Variants in LIMK2 observed in about 807,000 individuals in gnomAD.
LIMK2 encodes LIM domain kinase 2.
A neutral mutation model predicts 75.7 loss-of-function variants in LIMK2; 35 were observed. The ratio of observed to expected loss-of-function variants is 0.46; its 90% confidence interval spans 0.35 to 0.61. LIMK2 has a LOEUF of 0.61. LIMK2 is among the 20% of genes least tolerant of loss of function. The pLI, the probability that LIMK2 is intolerant of heterozygous loss-of-function variation, is 0.00. For synonymous variants in LIMK2, 301 were observed against 319.2 expected (o/e 0.94, Z 0.61); for missense variants, 623 against 831.0 (o/e 0.75, Z 3.08).
intron 13 of LIMK2, 191 bp downstream of exon 13, chr22:31,272,895 G>A (rs1451938665): frequency 1.5e-6 from 2 of 1,371,582 alleles, no homozygotes; most frequent in Admixed American, 3.1e-5. Context: ...GAACTGATCA[G>A]TGTCCCATCA....
At chr22:31,237,014 C>T (rs1444886529) in intron 2 of LIMK2, among the ~76,000 whole-genome samples, 1 of 151,932 alleles carries the variant, frequency 6.6e-6, no homozygotes, top group Non-Finnish European at 1.5e-5. Context: ...GTAATCCCAG[C>T]ACTTTGGGAG....
At chr22:31,230,528 A>G (rs1474327319) in intron 2 of LIMK2, among the ~76,000 whole-genome samples, 1 of 152,168 alleles carries the variant, frequency 6.6e-6, no homozygotes, top group Non-Finnish European at 1.5e-5. Flanking sequence ...CCTGGTTCCT[A>G]GCAGCATTAT....
intron 11 of LIMK2, among the ~76,000 whole-genome samples, chr22:31,269,294 T>TC (rs1175368911): frequency 6.9e-6 from 1 of 145,276 alleles, no homozygotes; most frequent in Non-Finnish European, 1.5e-5. Context: ...TTCTTTTTTT[T>TC]TTTTTTTTTT....
intron 2 of LIMK2, among the ~76,000 whole-genome samples, chr22:31,229,029 C>T (rs767204332): frequency 1.3e-5 from 2 of 152,044 alleles, no homozygotes; most frequent in Non-Finnish European, 2.9e-5. Flanking sequence ...TGTCTATATA[C>T]ACCTATATGT....
At chr22:31,272,498 AT>A in intron 12 of LIMK2, 31 bp from the exon 13 acceptor site, 1 of 1,574,036 alleles carries the variant, frequency 6.4e-7, no homozygotes, top group Non-Finnish European at 8.6e-7. Context: ...GAACATCCCC[AT>A]GAAGTCCTGA....
At chr22:31,242,786 A>G (rs2048633700) in intron 2 of LIMK2, among the ~76,000 whole-genome samples, 1 of 152,246 alleles carries the variant, frequency 6.6e-6, no homozygotes, top group African/African-American at 2.4e-5. Context: ...ACATCACATT[A>G]CAGGAGTAGC....
At chr22:31,245,798 T>A (rs1172124386) in intron 2 of LIMK2, among the ~76,000 whole-genome samples, 1 of 152,026 alleles carries the variant, frequency 6.6e-6, no homozygotes, top group Non-Finnish European at 1.5e-5. Context: ...CTTTGTGACA[T>A]GTGGAAATTA....
rs1426936828 is a variant in LIMK2, at chr22:31,273,458, G to A, written c.1565G>A (p.Ser522Asn). The A allele has an allele frequency of 1.2e-6, 2 of 1,613,616 alleles. No homozygotes were observed. Among genetic ancestry groups the A allele is most frequent in the Admixed American group, 3.3e-5 (2 of 59,998 alleles). ...WMAPEMLNGK[S>N]YDETVDIFSF... ...CTCTCCTGTGTTCCCCAAGGAAAGA[G>A]CTATGATGAGACGGTGGATATCTTC... The change falls in exon 14 of 16, where the codon AGC becomes AAC. Residue 522 changes from serine (S) to asparagine (N), a missense_variant. Ser to Asn is a conservative substitution (Grantham distance 46, BLOSUM62 1). Transcript: ENST00000331728.
At chr22:31,257,040 ATTTTTTTTTTTTTTTTTTTTTT>A (rs529919320) in intron 2 of LIMK2, among the ~76,000 whole-genome samples, 2 of 75,054 alleles carry the variant, frequency 2.7e-5, no homozygotes, top group African/African-American at 3.7e-5. Context: ...GGAGCTATAG[ATTTTTTTTTTTTTTTTTTTTTT>A]TTTTTTTTTT....
In LIMK2 at chr22:31,278,566, A is replaced by G; in HGVS notation, c.*125A>G. On this transcript the variant is annotated 3_prime_UTR_variant, in exon 16 of 16. Coordinates refer to ENST00000331728, the MANE Select transcript of LIMK2 (RefSeq NM_005569.4). ...TGGCGGAATGTTTAGAAGCAGAACA[A>G]GCCATTCCTATTACCTCCCCAGGAG... 1 of 1,075,734 alleles carries G rather than the reference A, an allele frequency of 9.3e-7. No individual in the cohort carries two copies. The allele number at this position is 1,075,734 out of a possible 1,614,324, so 66.6% of individuals were successfully genotyped here. A position where few individuals can be genotyped will look rare whatever the true frequency, so the allele number is the denominator to read the frequency against.
chr22:31,212,454 C>G (rs1000068151), intron 1 of LIMK2, 30 bp downstream of exon 1: 6 of 1,317,924 alleles, frequency 4.6e-6, no homozygotes, highest in Non-Finnish European at 4.9e-6. Flanking sequence ...CCCTGTCCCG[C>G]TGTTATCTCC....
At chr22:31,229,273 TG>T in intron 2 of LIMK2, among the ~76,000 whole-genome samples, 1 of 152,198 alleles carries the variant, frequency 6.6e-6, no homozygotes, top group Middle Eastern at 3.2e-3. Flanking sequence ...AAATTCAAAC[TG>T]GATGTCACGG....
intron 2 of LIMK2, among the ~76,000 whole-genome samples, chr22:31,238,132 A>T (rs1452784267): frequency 6.6e-6 from 1 of 150,918 alleles, no homozygotes; most frequent in Non-Finnish European, 1.5e-5. Context: ...AAAAAAAAAA[A>T]CCAAAACCAA....
At chr22:31,238,210 T>C (rs1175584116) in intron 2 of LIMK2, among the ~76,000 whole-genome samples, 1 of 152,100 alleles carries the variant, frequency 6.6e-6, no homozygotes, top group Non-Finnish European at 1.5e-5. Context: ...TAGTACTGTA[T>C]TCAGATAAAG....
chr22:31,237,043 C>CCTG (rs1301921789), intron 2 of LIMK2, among the ~76,000 whole-genome samples: 1 of 150,268 alleles, frequency 6.7e-6, no homozygotes, highest in Non-Finnish European at 1.5e-5. Flanking sequence ...GGGCGGATCA[C>CCTG]AAGGTCAGGA....
At chr22:31,254,369 A>G (rs565110694) in intron 2 of LIMK2, among the ~76,000 whole-genome samples, 163 of 152,358 alleles carry the variant, frequency 1.1e-3, no homozygotes, top group Non-Finnish European at 7.2e-4. Context: ...CCTGGTGACC[A>G]GGAGCCATGG....
chr22:31,227,360 A>G (rs902005633), intron 2 of LIMK2, among the ~76,000 whole-genome samples: 1 of 152,234 alleles, frequency 6.6e-6, no homozygotes, highest in African/African-American at 2.4e-5. Flanking sequence ...GCTTATACCA[A>G]GTAATTGAGT....
At chr22:31,260,255 G>T (rs1417071272) in intron 5 of LIMK2, among the ~76,000 whole-genome samples, 178 bp downstream of exon 5, 1 of 152,134 alleles carries the variant, frequency 6.6e-6, no homozygotes, top group East Asian at 1.9e-4. Flanking sequence ...TGTTCTCTCT[G>T]CCCAGGCTAC....
intron 1 of LIMK2, among the ~76,000 whole-genome samples, chr22:31,216,512 G>A (rs1411758585): frequency 6.6e-6 from 1 of 152,128 alleles, no homozygotes; most frequent in Non-Finnish European, 1.5e-5. Context: ...GTGGGCACAG[G>A]GCCACCAATC....
Sources: gnomAD v4.1 joint callset for allele counts (sites outside exome capture counted in the v4.1 genomes callset) on GRCh38, gnomAD v4.1.1 for gene constraint, MANE v1.5 for transcripts, NCBI Gene and HGNC (gene_info 2026-07-23, HGNC 2026-07-21) for gene names.